Variants in GALNT13 observed in about 807,000 individuals in gnomAD.
The protein encoded by GALNT13 is polypeptide N-acetylgalactosaminyltransferase 13, also known as UDP-GalNAc:polypeptide N-acetylgalactosaminyltransferase 13.
In GALNT13, 28 loss-of-function variants were observed where a neutral mutation model predicts 64.2. The observed-to-expected ratio is 0.44, with a 90% CI of 0.32 to 0.60. GALNT13 has a LOEUF of 0.60. Ranked by LOEUF, GALNT13 falls within the 20% of genes least tolerant of loss-of-function variation. The pLI is 0.05. For missense variants in GALNT13, 577 were observed against 669.8 expected (o/e 0.86, Z 1.53); for synonymous variants, 214 against 224.6 (o/e 0.95, Z 0.42).
At chr2:153,340,559 G>A in the GALNT13 span, among the ~76,000 whole-genome samples, 16 of 151,994 alleles carry the variant, frequency 1.1e-4, no homozygotes, top group East Asian at 3.1e-3. Context: ...GGAGGCCGAG[G>A]CAGGAGAATT....
the GALNT13 span, among the ~76,000 whole-genome samples, chr2:153,524,966 A>G: frequency 0.091 from 13,890 of 152,202 alleles, 685 homozygotes; most frequent in Middle Eastern, 0.15. Context: ...CAGGCTATAC[A>G]GCTCACAGCT....
the GALNT13 span, among the ~76,000 whole-genome samples, chr2:153,406,436 C>G: frequency 3.3e-5 from 5 of 151,874 alleles, no homozygotes; most frequent in African/African-American, 1.2e-4. Flanking sequence ...GGCACTGAGT[C>G]TCACTCTGTT....
the GALNT13 span, among the ~76,000 whole-genome samples, chr2:153,345,723 TTCC>T: frequency 3.6e-3 from 300 of 82,866 alleles, 18 homozygotes; most frequent in East Asian, 0.031. Context: ...CTTTCTGTCC[TTCC>T]TTCCTTCCTT....
the GALNT13 span, among the ~76,000 whole-genome samples, chr2:153,529,726 A>C: frequency 6.6e-6 from 1 of 152,092 alleles, no homozygotes; most frequent in Non-Finnish European, 1.5e-5. Context: ...GGGATTTGTC[A>C]CTGGGATGCA....
chr2:154,161,732 G>A (rs1684735235), intron 4 of GALNT13, among the ~76,000 whole-genome samples: 1 of 151,674 alleles, frequency 6.6e-6, no homozygotes, highest in Non-Finnish European at 1.5e-5. Context: ...TAAACAAGAG[G>A]ATTAGTTTAT....
At chr2:153,109,032 G>A in the GALNT13 span, among the ~76,000 whole-genome samples, 9 of 152,138 alleles carry the variant, frequency 5.9e-5, no homozygotes, top group African/African-American at 1.9e-4. Flanking sequence ...TAATATGGTT[G>A]TAGCCTTTGG....
At chr2:154,336,263 C>T (rs1315519687) in intron 9 of GALNT13, among the ~76,000 whole-genome samples, 1 of 152,010 alleles carries the variant, frequency 6.6e-6, no homozygotes, top group African/African-American at 2.4e-5. Flanking sequence ...TTTATGAAGA[C>T]CAGAGCCACA....
At chr2:153,200,131 G>A in the GALNT13 span, among the ~76,000 whole-genome samples, 4 of 152,124 alleles carry the variant, frequency 2.6e-5, no homozygotes, top group South Asian at 4.1e-4. Flanking sequence ...ATAATTCCTC[G>A]GCTTCTGAAC....
At chr2:154,411,098 C>T (rs868852330) in intron 11 of GALNT13, among the ~76,000 whole-genome samples, 2 of 151,666 alleles carry the variant, frequency 1.3e-5, no homozygotes, top group African/African-American at 4.8e-5. Context: ...AGATTTGTAC[C>T]TTAGAACTTT....
At chr2:154,255,418 G>A (rs1203763467) in intron 7 of GALNT13, among the ~76,000 whole-genome samples, 2 of 152,152 alleles carry the variant, frequency 1.3e-5, no homozygotes, top group Non-Finnish European at 2.9e-5. Flanking sequence ...GAATGAAAAT[G>A]TTTTTTGGTT....
At chr2:153,635,369 G>C in the GALNT13 span, among the ~76,000 whole-genome samples, 1 of 121,854 alleles carries the variant, frequency 8.2e-6, no homozygotes, top group African/African-American at 3.0e-5. Context: ...ATTTTTTCTA[G>C]AACTCTCTAC....
chr2:154,431,266 C>T (rs10185435), intron 11 of GALNT13, among the ~76,000 whole-genome samples: 20,063 of 152,144 alleles, frequency 0.13, 1,496 homozygotes, highest in African/African-American at 0.17. Flanking sequence ...TACAGCAATG[C>T]CTTTGCTTTC....
chr2:154,256,385 T>A (rs539076469), intron 7 of GALNT13, among the ~76,000 whole-genome samples: 2 of 152,312 alleles, frequency 1.3e-5, no homozygotes, highest in Non-Finnish European at 2.9e-5. Context: ...AAGAAATTCC[T>A]GAAAGTTGTT....
chr2:153,080,025 G>A, the GALNT13 span, among the ~76,000 whole-genome samples: 2 of 152,058 alleles, frequency 1.3e-5, no homozygotes, highest in African/African-American at 2.4e-5. Flanking sequence ...TTTAAACTAA[G>A]TTTTCAAATT....
chr2:153,734,858 C>A, the GALNT13 span, among the ~76,000 whole-genome samples: 1 of 152,080 alleles, frequency 6.6e-6, no homozygotes, highest in Non-Finnish European at 1.5e-5. Context: ...TGTTGGCATT[C>A]TGTTTTTAAC....
chr2:154,319,891 C>T (rs1293614579), intron 9 of GALNT13, among the ~76,000 whole-genome samples: 1 of 151,860 alleles, frequency 6.6e-6, no homozygotes, highest in Non-Finnish European at 1.5e-5. Context: ...TAAACTTTCA[C>T]TTCATAAAAA....
At chr2:153,499,684 G>A in the GALNT13 span, among the ~76,000 whole-genome samples, 7 of 152,232 alleles carry the variant, frequency 4.6e-5, no homozygotes, top group African/African-American at 1.7e-4. Flanking sequence ...AGGGGGCAGG[G>A]GGCTGGCATG....
the GALNT13 span, among the ~76,000 whole-genome samples, chr2:153,718,625 C>G: frequency 6.6e-6 from 1 of 152,078 alleles, no homozygotes; most frequent in Non-Finnish European, 1.5e-5. Context: ...ATTCTTCTAA[C>G]GCAGTGACAT....
At chr2:153,799,650 C>G in the GALNT13 span, among the ~76,000 whole-genome samples, 2 of 152,132 alleles carry the variant, frequency 1.3e-5, no homozygotes, top group African/African-American at 4.8e-5. Flanking sequence ...CTATCCATCC[C>G]TATTAAATAA....
Sources: gnomAD v4.1 joint callset for allele counts (sites outside exome capture counted in the v4.1 genomes callset) on GRCh38, gnomAD v4.1.1 for gene constraint, MANE v1.5 for transcripts, NCBI Gene and HGNC (gene_info 2026-07-23, HGNC 2026-07-21) for gene names.